Variants in NDUFS4 observed in about 807,000 individuals in gnomAD.
NDUFS4 encodes NADH:ubiquinone oxidoreductase subunit S4.
Under a neutral mutation model 24.3 loss-of-function variants are expected in NDUFS4, and 28 were observed. The ratio of observed to expected loss-of-function variants is 1.15; its 90% confidence interval spans 0.85 to 1.58. The LOEUF (loss-of-function observed/expected upper bound fraction) is 1.58, where lower values mean the gene tolerates loss of function less well. Ranked by LOEUF, NDUFS4 falls within the 40% of genes most tolerant of loss-of-function variation. The pLI is 0.00. For synonymous variants in NDUFS4, 93 were observed against 69.7 expected (o/e 1.34, Z -1.67); for missense variants, 223 against 207.9 (o/e 1.07, Z -0.45).
intron 1 of NDUFS4, among the ~76,000 whole-genome samples, chr5:53,591,412 A>C (rs569921601): frequency 8.8e-6 from 1 of 114,120 alleles, no homozygotes; most frequent in African/African-American, 3.4e-5. Context: ...CAAGTGTTCC[A>C]TTTTCTTCAC....
chr5:53,651,585 A>C (rs955143597), intron 3 of NDUFS4, among the ~76,000 whole-genome samples: 1 of 151,940 alleles, frequency 6.6e-6, no homozygotes, highest in African/African-American at 2.4e-5. Flanking sequence ...ATTTTTTTTA[A>C]TCAGGAGAAT....
chr5:53,649,071 A>G (rs958313228), intron 3 of NDUFS4, among the ~76,000 whole-genome samples: 3 of 152,176 alleles, frequency 2.0e-5, no homozygotes, highest in East Asian at 1.9e-4. Context: ...ACTTTTCCTT[A>G]TATCAGAAAC....
intron 2 of NDUFS4, among the ~76,000 whole-genome samples, chr5:53,637,313 T>A (rs1387491297): frequency 6.6e-6 from 1 of 152,200 alleles, no homozygotes; most frequent in East Asian, 1.9e-4. Context: ...AGGCCAGTTT[T>A]TTTACCCCTA....
intron 2 of NDUFS4, among the ~76,000 whole-genome samples, chr5:53,616,947 G>T (rs1561365074): frequency 6.6e-6 from 1 of 152,034 alleles, no homozygotes; most frequent in Non-Finnish European, 1.5e-5. Flanking sequence ...TTCTATTAAA[G>T]AATCTTCTGA....
intron 3 of NDUFS4, among the ~76,000 whole-genome samples, chr5:53,654,672 A>G (rs1752113867): frequency 6.6e-6 from 1 of 152,158 alleles, no homozygotes; most frequent in Admixed American, 6.5e-5. Context: ...AAATAAACAA[A>G]TAAGCTAAGC....
At chr5:53,601,469 A>G (rs1750323305) in intron 1 of NDUFS4, among the ~76,000 whole-genome samples, 1 of 152,210 alleles carries the variant, frequency 6.6e-6, no homozygotes, top group Non-Finnish European at 1.5e-5. Flanking sequence ...TTCTTAAACA[A>G]TTAGGACATA....
At chr5:53,638,400 A>G (rs1425489967) in intron 2 of NDUFS4, among the ~76,000 whole-genome samples, 1 of 152,162 alleles carries the variant, frequency 6.6e-6, no homozygotes, top group African/African-American at 2.4e-5. Context: ...TTGATTAAAT[A>G]GGCCCATAGG....
rs1750491645 is a variant in NDUFS4, at chr5:53,606,038, G to A, written c.177+2508G>A. ...CAAAAAAAAAAAAAAAAAAAAATTA[G>A]CCGGGCATGGTGGTGGGCGCCTGTA... On this transcript the variant is annotated intron_variant, in intron 2 of 4. Transcript: ENST00000296684. 2.1e-5 allele frequency among the ~76,000 whole-genome samples: 3 copies of A among 144,022 alleles called. No individual in the cohort carries two copies. The Admixed American group carries it at 2.1e-4, about 10-fold the overall frequency. 94.5% of individuals were successfully genotyped at this position (144,022 alleles called of 152,430 possible). A position where few individuals can be genotyped will look rare whatever the true frequency, so the allele number is the denominator to read the frequency against.
At chr5:53,582,858 A>G (rs1749617327) in intron 1 of NDUFS4, among the ~76,000 whole-genome samples, 1 of 152,176 alleles carries the variant, frequency 6.6e-6, no homozygotes, top group African/African-American at 2.4e-5. Context: ...ATGGAATCAT[A>G]TAGAAATTTA....
rs142482860 is a variant in NDUFS4, at chr5:53,633,395, T to C, written c.178-12838T>C. Among the ~76,000 whole-genome samples, 384 of 152,272 alleles carry C rather than the reference T, an allele frequency of 2.5e-3. 1 individual carries two copies. Among genetic ancestry groups the C allele is most frequent in the African/African-American group, 8.0e-3 (333 of 41,564 alleles). ...GGATTTTTTGACCTTTCCCTGACCATACAACCTTATGTGAGAGTTGCCTTA... is the reference window on the plus strand; with the variant it reads ...GGATTTTTTGACCTTTCCCTGACCACACAACCTTATGTGAGAGTTGCCTTA... On this transcript the variant is annotated intron_variant, in intron 2 of 4. Coordinates refer to ENST00000296684, the MANE Select transcript of NDUFS4 (RefSeq NM_002495.4).
chr5:53,624,480 T>A (rs1426959275), intron 2 of NDUFS4, among the ~76,000 whole-genome samples: 1 of 152,224 alleles, frequency 6.6e-6, no homozygotes, highest in Non-Finnish European at 1.5e-5. Context: ...ACACAGGATG[T>A]CTTCCCACTT....
intron 2 of NDUFS4, among the ~76,000 whole-genome samples, chr5:53,615,937 T>A (rs1386189249): frequency 6.6e-6 from 1 of 152,152 alleles, no homozygotes; most frequent in Admixed American, 6.5e-5. Flanking sequence ...TAAATTAAGA[T>A]GTATCCATTA....
At chr5:53,674,276 T>G (rs1740382410) in intron 4 of NDUFS4, among the ~76,000 whole-genome samples, 1 of 152,230 alleles carries the variant, frequency 6.6e-6, no homozygotes, top group Non-Finnish European at 1.5e-5. Flanking sequence ...GTTCAGATTC[T>G]TCTCTTAAGT....
intron 2 of NDUFS4, among the ~76,000 whole-genome samples, chr5:53,625,029 T>G (rs1051376814): frequency 6.6e-6 from 1 of 152,172 alleles, no homozygotes; most frequent in African/African-American, 2.4e-5. Context: ...CACTGCAGCC[T>G]TGAACTCCTG....
At chr5:53,579,133 A>T (rs981847868) in intron 1 of NDUFS4, among the ~76,000 whole-genome samples, 24 of 152,170 alleles carry the variant, frequency 1.6e-4, no homozygotes, top group African/African-American at 5.6e-4. Flanking sequence ...TTCTTGAAAG[A>T]TTCTTCCCTT....
chr5:53,588,159 C>T (rs549243355), intron 1 of NDUFS4, among the ~76,000 whole-genome samples: 90 of 152,278 alleles, frequency 5.9e-4, no homozygotes, highest in African/African-American at 2.1e-3. Context: ...TATTTTTCCA[C>T]CACACTGTAG....
intron 3 of NDUFS4, among the ~76,000 whole-genome samples, chr5:53,654,016 C>T (rs967874991): frequency 3.3e-5 from 5 of 151,936 alleles, no homozygotes; most frequent in Non-Finnish European, 5.9e-5. Context: ...TTGTTTTCTC[C>T]TTATAGCCAA....
intron 2 of NDUFS4, chr5:53,604,992 C>T (rs528633782): frequency 1.7e-5 from 7 of 406,592 alleles, no homozygotes; most frequent in African/African-American, 6.2e-5. Context: ...GAGGCTGAGG[C>T]GGGTGGATCA....
chr5:53,617,716 A>G (rs898540382), intron 2 of NDUFS4, among the ~76,000 whole-genome samples: 1 of 152,188 alleles, frequency 6.6e-6, no homozygotes, highest in Non-Finnish European at 1.5e-5. Flanking sequence ...CCTCTTTTGT[A>G]AATATATAGG....
Sources: gnomAD v4.1 joint callset for allele counts (sites outside exome capture counted in the v4.1 genomes callset) on GRCh38, gnomAD v4.1.1 for gene constraint, MANE v1.5 for transcripts, NCBI Gene and HGNC (gene_info 2026-07-23, HGNC 2026-07-21) for gene names.